The following WDR25 variants were observed in gnomAD, a reference collection of about 807,000 sequenced individuals.
The protein encoded by WDR25 is WD repeat domain 25, also known as WD repeat-containing protein 25.
WDR25 carries 35 observed loss-of-function variants against 47.7 expected under a neutral mutation model. The ratio of observed to expected loss-of-function variants is 0.73; its 90% CI spans 0.56 to 0.97. WDR25 has a LOEUF of 0.97. Among genes scored for constraint, WDR25 ranks in the 50% least tolerant of loss-of-function variants. The pLI is 0.00. For synonymous variants in WDR25, 248 were observed against 278.9 expected (o/e 0.89, Z 1.10); for missense variants, 634 against 704.7 (o/e 0.90, Z 1.14).
chr14:100,481,008 G>A, intron 3 of WDR25: 1 of 431,226 alleles, frequency 2.3e-6, no homozygotes, highest in South Asian at 1.8e-5. Flanking sequence ...CCCAAGAGGA[G>A]ACTGGTGCAG....
chr14:100,411,734 C>G (rs541433015), intron 2 of WDR25, among the ~76,000 whole-genome samples: 28 of 152,200 alleles, frequency 1.8e-4, no homozygotes, highest in African/African-American at 6.3e-4. Flanking sequence ...CAAGGTTTCA[C>G]CGTGTTGGCC....
intron 2 of WDR25, among the ~76,000 whole-genome samples, chr14:100,444,690 A>G (rs1203265912): frequency 6.6e-6 from 1 of 152,208 alleles, no homozygotes; most frequent in African/African-American, 2.4e-5. Flanking sequence ...TGGTTGGTGC[A>G]TTCACAGTAC....
intron 2 of WDR25, among the ~76,000 whole-genome samples, chr14:100,414,772 T>C (rs561218664): frequency 2.5e-4 from 38 of 152,058 alleles, no homozygotes; most frequent in Non-Finnish European, 4.4e-4. Flanking sequence ...CACCATCTTA[T>C]TTACATCTTT....
chr14:100,441,595 G>C (rs937804150), intron 2 of WDR25, among the ~76,000 whole-genome samples: 2 of 152,196 alleles, frequency 1.3e-5, no homozygotes, highest in Non-Finnish European at 2.9e-5. Flanking sequence ...GGGGCCTGCA[G>C]ATGGGCTGGG....
chr14:100,529,284 T>C lies in WDR25; in HGVS notation c.1413+76T>C. 1 of 1,586,372 alleles carries C rather than the reference T, an allele frequency of 6.3e-7. No homozygotes were observed. The highest frequency in any genetic ancestry group is 8.6e-7 in the Non-Finnish European group (1 of 1,164,260). On this transcript the variant is annotated intron_variant, in intron 6 of 6. Coordinates refer to ENST00000402312, the MANE Select transcript of WDR25 (RefSeq NM_001161476.3). This position sits in a 1 kb window ranked among gnomAD's most constrained non-coding sequence, Gnocchi z 5.1. ...TCCTGGCAGTCCTGGACATGGGCCC[T>C]GGGGTGCATGGAGCCTCTGTCTGGG...
intron 4 of WDR25, among the ~76,000 whole-genome samples, chr14:100,505,152 C>G (rs1901069679): frequency 6.6e-6 from 1 of 152,022 alleles, no homozygotes. Context: ...AAATCTTTAC[C>G]TATCCTAATG....
At chr14:100,415,024 G>A (rs1252451590) in intron 2 of WDR25, among the ~76,000 whole-genome samples, 2 of 152,288 alleles carry the variant, frequency 1.3e-5, no homozygotes, top group East Asian at 1.9e-4. Context: ...AGGTGAGCAA[G>A]GCCAGTGCTT....
chr14:100,435,836 G>A (rs189274817), intron 2 of WDR25, among the ~76,000 whole-genome samples: 1 of 152,314 alleles, frequency 6.6e-6, no homozygotes, highest in East Asian at 1.9e-4. Flanking sequence ...GATCACCTAG[G>A]AGGGGCTTGT....
intron 2 of WDR25, among the ~76,000 whole-genome samples, chr14:100,403,251 G>A (rs1897433022): frequency 6.6e-6 from 1 of 152,210 alleles, no homozygotes; most frequent in African/African-American, 2.4e-5. Context: ...GGCCACATCT[G>A]GCTCATCTCT....
At chr14:100,431,498 G>A (rs919302386) in intron 2 of WDR25, among the ~76,000 whole-genome samples, 9 of 151,874 alleles carry the variant, frequency 5.9e-5, no homozygotes, top group African/African-American at 2.2e-4. Context: ...TATGACAGTT[G>A]GAGAGCCTGT....
At chr14:100,417,896 T>C (rs549327508) in intron 2 of WDR25, among the ~76,000 whole-genome samples, 1 of 152,182 alleles carries the variant, frequency 6.6e-6, no homozygotes, top group Admixed American at 6.5e-5. Flanking sequence ...TAGGCTCTTG[T>C]GCATGTGCTC....
Position 100,467,176 on chromosome 14 carries a change from G to A in WDR25, c.823-845G>A, listed in dbSNP as rs182754040. ...ACGGCAGATATTTGTACTTTGACTGGTTGTAAATACGAGTGTAGCACATTC... is the reference window on the plus strand; with the variant it reads ...ACGGCAGATATTTGTACTTTGACTGATTGTAAATACGAGTGTAGCACATTC... On this transcript the variant is annotated intron_variant, in intron 2 of 6. Transcript: ENST00000402312. Among the ~76,000 whole-genome samples the A allele has an allele frequency of 1.8e-4, 28 of 152,370 alleles. No homozygotes were observed. In the East Asian group the frequency reaches 5.2e-3, roughly 28 times the overall value.
rs1898650977 is a variant in WDR25, at chr14:100,440,940, T to A, written c.823-27081T>A. 6.6e-6 allele frequency among the ~76,000 whole-genome samples: 1 copy of A among 152,182 alleles called. No homozygotes were observed. Among genetic ancestry groups the A allele is most frequent in the South Asian group, 2.1e-4 (1 of 4,824 alleles). On this transcript the variant is annotated intron_variant, in intron 2 of 6. Coordinates refer to ENST00000402312, the MANE Select transcript of WDR25 (RefSeq NM_001161476.3). The surrounding 1 kb of genome is among the most constrained non-coding windows in gnomAD (Gnocchi z 4.4). ...TTGACATTTTTTATTAACCCTGAAATGATTAAAGATGCTGCTGCTGAATTT... is the reference window on the plus strand; with the variant it reads ...TTGACATTTTTTATTAACCCTGAAAAGATTAAAGATGCTGCTGCTGAATTT...
intron 1 of WDR25, among the ~76,000 whole-genome samples, chr14:100,378,442 C>T (rs1167327781): frequency 6.6e-6 from 1 of 152,048 alleles, no homozygotes; most frequent in African/African-American, 2.4e-5. Context: ...GCTGGGATTA[C>T]AGGCATGAGC....
Position 100,529,146 on chromosome 14 carries a change from G to C in WDR25, c.1351G>C (p.Ala451Pro). The change falls in exon 6 of 7, where the codon GCC (alanine) becomes CCC (proline). Residue 451 changes from alanine (A) to proline (P), a missense_variant. Physicochemically the swap from Ala to Pro is conservative, Grantham distance 27 (BLOSUM62 -1). Coordinates refer to ENST00000402312, the MANE Select transcript of WDR25 (RefSeq NM_001161476.3). This position sits in a 1 kb window ranked among gnomAD's most constrained non-coding sequence, Gnocchi z 5.1. ...FLAQTNGNYL[A>P]LFSTVWPYRM... ...GGCACAGACCAATGGCAACTACCTG[G>C]CCCTTTTCTCCACTGTGTGGCCCTA... 6.2e-7 allele frequency: 1 copy of C among 1,606,756 alleles called. No individual in the cohort carries two copies. The highest frequency in any genetic ancestry group is 1.1e-5 in the South Asian group (1 of 90,896).
chr14:100,381,953 G>T, intron 2 of WDR25: 1 of 645,844 alleles, frequency 1.5e-6, no homozygotes, highest in African/African-American at 1.8e-5. Flanking sequence ...ATGCTGCCTT[G>T]CTCAGGTTAC....
At chr14:100,495,566 T>C (rs990790558) in intron 4 of WDR25, among the ~76,000 whole-genome samples, 4 of 152,148 alleles carry the variant, frequency 2.6e-5, no homozygotes, top group Non-Finnish European at 5.9e-5. Flanking sequence ...CTCTAGCAAT[T>C]TGTCAATTAT....
At chr14:100,489,025 C>T (rs559399064) in intron 4 of WDR25, among the ~76,000 whole-genome samples, 33 of 152,362 alleles carry the variant, frequency 2.2e-4, no homozygotes, top group African/African-American at 7.5e-4. Context: ...CACCTGCCCA[C>T]AACCTCAGGG....
intron 4 of WDR25, among the ~76,000 whole-genome samples, chr14:100,511,917 A>G (rs919768676): frequency 6.6e-6 from 1 of 152,140 alleles, no homozygotes; most frequent in Non-Finnish European, 1.5e-5. Flanking sequence ...TTGATTTTCA[A>G]ATATTAGAAC....
Sources: gnomAD v4.1 joint callset for allele counts (sites outside exome capture counted in the v4.1 genomes callset) on GRCh38, gnomAD v4.1.1 for gene constraint, Gnocchi (gnomAD v3.1) non-coding constraint, MANE v1.5 for transcripts, NCBI Gene and HGNC (gene_info 2026-07-23, HGNC 2026-07-21) for gene names.